ANO4: variants seen among roughly 807,000 people sequenced by gnomAD.
The protein encoded by ANO4 is anoctamin-4.
A neutral mutation model predicts 141.9 loss-of-function variants in ANO4; 69 were observed. The observed-to-expected ratio is 0.49, with a 90% CI of 0.40 to 0.59. The LOEUF (loss-of-function observed/expected upper bound fraction) is 0.59. ANO4 is among the 20% of genes least tolerant of loss of function. ANO4 has a pLI of 0.00. For synonymous variants in ANO4, 350 were observed against 394.3 expected (o/e 0.89, Z 1.33); for missense variants, 894 against 1,162.2 (o/e 0.77, Z 3.36).
intron 1 of ANO4, among the ~76,000 whole-genome samples, chr12:100,878,021 C>G (rs1453472283): frequency 6.6e-6 from 1 of 152,154 alleles, no homozygotes; most frequent in Non-Finnish European, 1.5e-5. Flanking sequence ...TAATTTGTAT[C>G]TCAACTTTTT....
chr12:100,959,247 G>A (rs1029410574), intron 5 of ANO4, among the ~76,000 whole-genome samples: 28 of 152,160 alleles, frequency 1.8e-4, no homozygotes, highest in Admixed American at 1.4e-3. Flanking sequence ...GTGCTGTCGC[G>A]GGAGCTCTCC....
At chr12:101,041,552 A>G (rs1593101515) in intron 11 of ANO4, among the ~76,000 whole-genome samples, 1 of 152,332 alleles carries the variant, frequency 6.6e-6, no homozygotes, top group East Asian at 1.9e-4. Flanking sequence ...TAGTCAATGC[A>G]TATTAATTAA....
intron 1 of ANO4, among the ~76,000 whole-genome samples, chr12:100,864,558 G>A (rs1286078516): frequency 1.3e-5 from 2 of 152,074 alleles, no homozygotes; most frequent in Non-Finnish European, 2.9e-5. Flanking sequence ...ATTCTCAGCA[G>A]GAATCCCCTC....
rs1248543034 is a variant in ANO4 at position 101,036,944 on chromosome 12, G to A, written c.842-151G>A. 18 of 596,434 alleles carry A rather than the reference G, an allele frequency of 3.0e-5. No individual in the cohort carries two copies. In the African/African-American group the frequency reaches 3.1e-4, roughly 10 times the overall value. 36.9% of individuals were successfully genotyped at this position (596,434 alleles called of 1,614,324 possible). A position where few individuals can be genotyped will look rare whatever the true frequency, so the allele number is the denominator to read the frequency against. On this transcript the variant is annotated intron_variant, in intron 9 of 27. Coordinates refer to ENST00000392977, the MANE Select transcript of ANO4 (RefSeq NM_001286615.2). ...CCCAGCCCTTGATCCCAATTTCACG[G>A]CAGCAGAGCTTTTTTTCTAACTCTT...
chr12:100,788,427 C>T (rs2033938774), intron 3 of ANO4, among the ~76,000 whole-genome samples: 1 of 152,170 alleles, frequency 6.6e-6, no homozygotes, highest in South Asian at 2.1e-4. Flanking sequence ...ATTCCTGTTT[C>T]TGTAGGGTGC....
intron 18 of ANO4, 143 bp from the exon 19 acceptor site, chr12:101,096,393 C>T (rs1047573346): frequency 2.9e-5 from 18 of 621,058 alleles, no homozygotes; most frequent in East Asian, 1.1e-4. Context: ...TTCCACCACA[C>T]GCCATCCGTG....
At chr12:101,106,826 TA>T (rs2050466161) in intron 22 of ANO4, among the ~76,000 whole-genome samples, 1 of 151,702 alleles carries the variant, frequency 6.6e-6, no homozygotes, top group Admixed American at 6.6e-5. Flanking sequence ...TTCCAATATT[TA>T]AAAGTTTTTT....
At chr12:100,908,847 G>T (rs2040966742) in intron 2 of ANO4, among the ~76,000 whole-genome samples, 2 of 152,188 alleles carry the variant, frequency 1.3e-5, no homozygotes, top group Admixed American at 6.5e-5. Flanking sequence ...TGGGAGTCTT[G>T]TAGATTTTCT....
intron 2 of ANO4, among the ~76,000 whole-genome samples, chr12:100,922,009 T>C (rs559706778): frequency 2.8e-4 from 42 of 152,214 alleles, no homozygotes; most frequent in South Asian, 2.3e-3. Context: ...TTATTTTGCA[T>C]TGGAAATACA....
At chr12:100,737,448 A>G (rs1312898592) in intron 2 of ANO4, among the ~76,000 whole-genome samples, 1 of 152,122 alleles carries the variant, frequency 6.6e-6, no homozygotes, top group Non-Finnish European at 1.5e-5. Flanking sequence ...CCAAGACCCC[A>G]TCCTTGAGCC....
intron 1 of ANO4, among the ~76,000 whole-genome samples, chr12:100,868,118 G>A (rs905405504): frequency 5.3e-5 from 8 of 152,112 alleles, no homozygotes; most frequent in African/African-American, 1.9e-4. Context: ...TAGACCCACA[G>A]CTAACCTGGG....
chr12:101,112,929 A>G (rs1398664813), intron 24 of ANO4, among the ~76,000 whole-genome samples: 1 of 152,230 alleles, frequency 6.6e-6, no homozygotes, highest in Non-Finnish European at 1.5e-5. Context: ...TATTTTGCCC[A>G]GGCATTTCTT....
chr12:101,090,596 C>T (rs929605121), intron 17 of ANO4, among the ~76,000 whole-genome samples: 7 of 151,914 alleles, frequency 4.6e-5, no homozygotes, highest in South Asian at 2.1e-4. Context: ...CAGGGCCTGC[C>T]GGGGGTGTGG....
chr12:100,897,544 T>C (rs73389638), intron 1 of ANO4, among the ~76,000 whole-genome samples: 2,993 of 152,318 alleles, frequency 0.02, 91 homozygotes, highest in African/African-American at 0.068. Context: ...TGGAAAGTAC[T>C]TTGTTCAGAG....
rs150787259 is a variant in ANO4, at chr12:100,801,577, A to G, written c.-141+6550A>G. Reference sequence around the variant, plus strand: ...TAGTGAGGGTTTGTCCCATGTGTCAATGACTGGTAATGAGGCTGACTGCTA... The same window carrying G: ...TAGTGAGGGTTTGTCCCATGTGTCAGTGACTGGTAATGAGGCTGACTGCTA... On this transcript the variant is annotated intron_variant, in intron 1 of 27. Coordinates refer to ENST00000392977, the MANE Select transcript of ANO4 (RefSeq NM_001286615.2). Among the ~76,000 whole-genome samples, 37 of 152,010 alleles carry G rather than the reference A, an allele frequency of 2.4e-4. 1 individual carries two copies. In the East Asian group the frequency reaches 7.2e-3, roughly 29 times the overall value.
intron 1 of ANO4, among the ~76,000 whole-genome samples, chr12:100,872,712 G>A (rs1030556579): frequency 4.6e-5 from 7 of 152,170 alleles, no homozygotes; most frequent in African/African-American, 1.7e-4. Flanking sequence ...AATGGGACAT[G>A]TTGGCCATCT....
chr12:100,845,684 G>T (rs1424014700), intron 1 of ANO4, among the ~76,000 whole-genome samples: 1 of 152,082 alleles, frequency 6.6e-6, no homozygotes, highest in Non-Finnish European at 1.5e-5. Context: ...TTAAGAAAAA[G>T]CACAATTACT....
intron 17 of ANO4, among the ~76,000 whole-genome samples, chr12:101,092,618 T>A (rs367955251): frequency 6.6e-6 from 1 of 152,326 alleles, no homozygotes; most frequent in East Asian, 1.9e-4. Context: ...TCAGCATATA[T>A]ATGAAGTAGT....
chr12:100,851,025 A>G (rs1171786537), intron 1 of ANO4, among the ~76,000 whole-genome samples: 1 of 152,136 alleles, frequency 6.6e-6, no homozygotes, highest in African/African-American at 2.4e-5. Context: ...AATGTGCTGC[A>G]GCTAATAACT....
Sources: allele counts gnomAD v4.1 joint callset (sites outside exome capture counted in the v4.1 genomes callset), GRCh38; gene constraint gnomAD v4.1.1; transcripts MANE v1.5; gene names NCBI Gene and HGNC (gene_info 2026-07-23, HGNC 2026-07-21).